NPAS3: variants seen among roughly 807,000 people sequenced by gnomAD.
The protein encoded by NPAS3 is neuronal PAS domain-containing protein 3.
Under a neutral mutation model 73.1 loss-of-function variants are expected in NPAS3, and 14 were observed. The observed-to-expected ratio is 0.19, with a 90% CI of 0.13 to 0.30. NPAS3 has a LOEUF of 0.30. NPAS3 is among the 10% of genes least tolerant of loss of function. The probability of loss-of-function intolerance (pLI) is 1.00; values close to 1 mark genes in which losing one functional copy is unlikely to be tolerated. For missense variants in NPAS3, 1,096 were observed against 1,250.0 expected, an observed-to-expected ratio of 0.88 and a Z score of 1.86; for synonymous variants, 620 against 541.5, an observed-to-expected ratio of 1.14 and a Z score of -2.01.
At chr14:33,611,126 C>G (rs1332561016) in intron 5 of NPAS3, 4 of 152,170 alleles carry the variant, frequency 2.6e-5, no homozygotes, top group East Asian at 3.8e-4. Flanking sequence ...TAAGTGGTAT[C>G]CTAAGAGTCA....
At chr14:33,510,464 G>T (rs188735227) in intron 4 of NPAS3, among the ~76,000 whole-genome samples, 1 of 152,008 alleles carries the variant, frequency 6.6e-6, no homozygotes, top group Non-Finnish European at 1.5e-5. Context: ...GTGGGTGGAG[G>T]GGGGACTGGC....
intron 4 of NPAS3, among the ~76,000 whole-genome samples, chr14:33,472,117 G>A (rs1352649890): frequency 2.0e-5 from 3 of 152,224 alleles, no homozygotes; most frequent in African/African-American, 7.2e-5. Flanking sequence ...AGGGGAATAG[G>A]AAGTGCTGGA....
At chr14:33,022,613 C>T (rs1034043237) in intron 1 of NPAS3, among the ~76,000 whole-genome samples, 6 of 144,590 alleles carry the variant, frequency 4.1e-5, no homozygotes, top group Non-Finnish European at 1.5e-5. Flanking sequence ...TGCAGTGAGC[C>T]GAGATCGCGC....
chr14:33,179,076 G>A (rs899253923), intron 2 of NPAS3, among the ~76,000 whole-genome samples: 9 of 151,952 alleles, frequency 5.9e-5, no homozygotes, highest in East Asian at 1.9e-4. Flanking sequence ...ACTTGATCAC[G>A]TGTGTTTTTT....
rs1402719296 is a variant in NPAS3, at chr14:33,016,648, C to T, written c.51-39257C>T. Among the ~76,000 whole-genome samples the T allele has an allele frequency of 5.4e-5, 8 of 147,644 alleles. No homozygotes were observed. The East Asian group carries it at 1.4e-3, about 26-fold the overall frequency. On this transcript the variant is annotated intron_variant, in intron 1 of 11. Coordinates refer to ENST00000356141, the Ensembl canonical transcript of NPAS3. ...AAAAAAAAAACGACCTAACCCATTGCTTAATTGGCACCTTCTCTGTGGGAT... is the reference window on the plus strand; with the variant it reads ...AAAAAAAAAACGACCTAACCCATTGTTTAATTGGCACCTTCTCTGTGGGAT...
At chr14:33,689,706 C>T (rs1489393292) in intron 6 of NPAS3, among the ~76,000 whole-genome samples, 1 of 152,174 alleles carries the variant, frequency 6.6e-6, no homozygotes, top group Non-Finnish European at 1.5e-5. Context: ...TAATTTACCT[C>T]TCCCTAACCT....
Position 33,641,517 on chromosome 14 carries a change from C to G in NPAS3, c.559-34694C>G, listed in dbSNP as rs2058674554. Among the ~76,000 whole-genome samples the G allele has an allele frequency of 2.6e-5, 4 of 152,046 alleles. No individual in the cohort carries two copies. In the South Asian group the frequency reaches 8.3e-4, roughly 31 times the overall value. ...GTCCCACAACTATAATTGTGTGTACCACTAGGGGCTAGGGGGTGATTCTTT... is the reference window on the plus strand; with the variant it reads ...GTCCCACAACTATAATTGTGTGTACGACTAGGGGCTAGGGGGTGATTCTTT... On this transcript the variant is annotated intron_variant, in intron 5 of 11. Transcript: ENST00000356141.
At chr14:33,633,801 G>A (rs961881294) in intron 5 of NPAS3, among the ~76,000 whole-genome samples, 1 of 152,078 alleles carries the variant, frequency 6.6e-6, no homozygotes. Flanking sequence ...GCAACATAGT[G>A]AGACTCCATC....
chr14:33,219,810 C>T (rs2047356842), intron 3 of NPAS3, among the ~76,000 whole-genome samples: 1 of 151,990 alleles, frequency 6.6e-6, no homozygotes, highest in Admixed American at 6.5e-5. Flanking sequence ...AATATTGTCC[C>T]CCAAAATTAG....
At chr14:33,225,107 A>G (rs1306116992) in intron 3 of NPAS3, among the ~76,000 whole-genome samples, 1 of 152,176 alleles carries the variant, frequency 6.6e-6, no homozygotes, top group Non-Finnish European at 1.5e-5. Flanking sequence ...CAACATTCTA[A>G]AGTGCTTCAT....
At chr14:33,621,734 A>G (rs888161674) in intron 5 of NPAS3, among the ~76,000 whole-genome samples, 4 of 152,204 alleles carry the variant, frequency 2.6e-5, no homozygotes, top group African/African-American at 4.8e-5. Context: ...CCTTATCAAA[A>G]CCTAAATAAG....
intron 7 of NPAS3, among the ~76,000 whole-genome samples, chr14:33,771,547 CA>C (rs1343284866): frequency 6.6e-6 from 1 of 152,116 alleles, no homozygotes; most frequent in Admixed American, 6.5e-5. Context: ...CGCTGTGGCT[CA>C]TGCTTGTAAT....
chr14:33,331,197 A>C (rs1217965560), intron 3 of NPAS3, among the ~76,000 whole-genome samples: 3 of 152,202 alleles, frequency 2.0e-5, no homozygotes, highest in Non-Finnish European at 4.4e-5. Flanking sequence ...TAAGGCTATA[A>C]AGTTGTTCGT....
At chr14:33,581,850 AG>A (rs1420877190) in intron 5 of NPAS3, among the ~76,000 whole-genome samples, 2 of 152,218 alleles carry the variant, frequency 1.3e-5, no homozygotes, top group African/African-American at 4.8e-5. Flanking sequence ...CTAGGATTAT[AG>A]GAGTGAGCCA....
At position 32,946,344 on chromosome 14, in the gene NPAS3, ACG is replaced by A. The variant is rs1160316544; in HGVS notation, c.50+6982_50+6983del. On this transcript the variant is annotated intron_variant, in intron 1 of 11. Transcript: ENST00000356141. Reference sequence around the variant, plus strand: ...TCCCCCATCCCCCCAACACACACACACGCGCACACACACACACACACACACAC... The same window carrying A: ...TCCCCCATCCCCCCAACACACACACACGCACACACACACACACACACACAC... Among the ~76,000 whole-genome samples, 536 of 107,890 alleles carry A rather than the reference ACG, an allele frequency of 5.0e-3. 14 individuals carry two copies. Among genetic ancestry groups the A allele is most frequent in the African/African-American group, 0.013 (415 of 31,692 alleles). 70.8% of individuals were successfully genotyped at this position (107,890 alleles called of 152,430 possible).
At position 33,298,639 on chromosome 14, in the gene NPAS3, C is replaced by A. The variant is rs562804547; in HGVS notation, c.386-68547C>A. Among the ~76,000 whole-genome samples the A allele has an allele frequency of 6.3e-4, 96 of 152,218 alleles. 1 individual carries two copies. Among genetic ancestry groups the A allele is most frequent in the African/African-American group, 2.1e-3 (89 of 41,534 alleles). On this transcript the variant is annotated intron_variant, in intron 3 of 11. Transcript: ENST00000356141. ...TCCTTTCCTATATGTTTTCCCTTTC[C>A]ATTTGGTCTTTGGGTATCTACTATG... is the stretch of plus-strand genomic sequence containing the variant.
chr14:33,289,754 G>A (rs182137840), intron 3 of NPAS3, among the ~76,000 whole-genome samples: 16 of 151,770 alleles, frequency 1.1e-4, no homozygotes, highest in African/African-American at 1.5e-4. Flanking sequence ...CCCAGGAGTC[G>A]GAGGTTACGT....
intron 6 of NPAS3, among the ~76,000 whole-genome samples, chr14:33,695,436 G>A (rs1412151032): frequency 6.6e-6 from 1 of 152,050 alleles, no homozygotes; most frequent in Non-Finnish European, 1.5e-5. Flanking sequence ...TCTCAGAAAT[G>A]GTTTTATCTT....
intron 4 of NPAS3, among the ~76,000 whole-genome samples, chr14:33,481,833 A>G (rs1172347795): frequency 6.6e-6 from 1 of 152,112 alleles, no homozygotes; most frequent in Non-Finnish European, 1.5e-5. Context: ...AGTGAGGGGG[A>G]GGACAAGGCT....
Sources: allele counts gnomAD v4.1 joint callset (sites outside exome capture counted in the v4.1 genomes callset), GRCh38; gene constraint gnomAD v4.1.1; transcripts MANE v1.5; gene names NCBI Gene and HGNC (gene_info 2026-07-23, HGNC 2026-07-21).